CARNMT1: variants seen among roughly 807,000 people sequenced by gnomAD.
CARNMT1 encodes the protein carnosine N-methyltransferase 1, also known as protein-L-histidine N-pros-methyltransferase CARNMT1.
In CARNMT1, 28 loss-of-function variants were observed where a neutral mutation model predicts 49.6. The ratio of observed to expected loss-of-function variants is 0.56; its 90% CI spans 0.42 to 0.77. The LOEUF is 0.77. Among genes scored for constraint, CARNMT1 ranks in the 30% least tolerant of loss-of-function variants. CARNMT1 has a pLI of 0.00. For missense variants in CARNMT1, 421 were observed against 512.6 expected (o/e 0.82, Z 1.73); for synonymous variants, 178 against 175.0 (o/e 1.02, Z -0.13).
intron 3 of CARNMT1, among the ~76,000 whole-genome samples, chr9:75,000,697 G>A (rs985320446): frequency 6.6e-6 from 1 of 152,112 alleles, no homozygotes; most frequent in Non-Finnish European, 1.5e-5. Context: ...ATGTCAGGAA[G>A]TAAAAAGAAA....
intron 3 of CARNMT1, among the ~76,000 whole-genome samples, chr9:75,003,962 G>A (rs142055007): frequency 5.4e-4 from 82 of 152,290 alleles, no homozygotes; most frequent in African/African-American, 1.8e-3. Flanking sequence ...TGCAACCTCC[G>A]CCTCCAGGGT....
chr9:75,018,664 C>T (rs1360317617), intron 1 of CARNMT1, among the ~76,000 whole-genome samples: 1 of 152,050 alleles, frequency 6.6e-6, no homozygotes, highest in Non-Finnish European at 1.5e-5. Context: ...TTTGTCATAG[C>T]ACTGTTAGAG....
chr9:74,994,344 G>A (rs916437057), intron 6 of CARNMT1, among the ~76,000 whole-genome samples: 2 of 152,238 alleles, frequency 1.3e-5, no homozygotes, highest in African/African-American at 4.8e-5. Context: ...AAGGGGTAAC[G>A]AAAGGCTCCC....
At chr9:74,997,815 C>A (rs1833234289) in intron 5 of CARNMT1, among the ~76,000 whole-genome samples, 1 of 151,894 alleles carries the variant, frequency 6.6e-6, no homozygotes, top group Non-Finnish European at 1.5e-5. Flanking sequence ...TTTGTTATTG[C>A]CTCACTTTCT....
intron 6 of CARNMT1, among the ~76,000 whole-genome samples, chr9:74,994,916 T>C (rs1833141372): frequency 6.6e-6 from 1 of 152,212 alleles, no homozygotes; most frequent in Admixed American, 6.5e-5. Context: ...CCATTACTTC[T>C]GATGCCCATG....
At chr9:74,990,512 G>A (rs1348665379) in intron 6 of CARNMT1, among the ~76,000 whole-genome samples, 1 of 152,062 alleles carries the variant, frequency 6.6e-6, no homozygotes, top group Non-Finnish European at 1.5e-5. Context: ...TTTTTCTTAA[G>A]GCCCTCCTTT....
intron 1 of CARNMT1, among the ~76,000 whole-genome samples, chr9:75,022,305 G>C (rs924161614): frequency 7.6e-6 from 1 of 132,072 alleles, no homozygotes; most frequent in African/African-American, 2.8e-5. Flanking sequence ...CTCACTGCCA[G>C]CTCTGCCTCC....
At chr9:74,995,045 T>C (rs1833145950) in intron 6 of CARNMT1, among the ~76,000 whole-genome samples, 1 of 151,926 alleles carries the variant, frequency 6.6e-6, no homozygotes, top group African/African-American at 2.4e-5. Context: ...AATAAAATAT[T>C]CATAAACCAA....
intron 6 of CARNMT1, among the ~76,000 whole-genome samples, chr9:74,994,326 C>A (rs1833123480): frequency 6.6e-6 from 1 of 152,172 alleles, no homozygotes; most frequent in Non-Finnish European, 1.5e-5. Context: ...GCCTGAGTGA[C>A]CTAATAAAAG....
intron 3 of CARNMT1, among the ~76,000 whole-genome samples, chr9:75,000,378 G>A (rs1402025512): frequency 1.3e-5 from 2 of 152,156 alleles, no homozygotes; most frequent in East Asian, 3.8e-4. Context: ...TTAGTTGACA[G>A]AAGAATTTGG....
At chr9:75,003,833 T>C (rs1198713035) in intron 3 of CARNMT1, among the ~76,000 whole-genome samples, 3 of 152,270 alleles carry the variant, frequency 2.0e-5, no homozygotes, top group Admixed American at 6.5e-5. Flanking sequence ...TTCCCTTAAA[T>C]TGAACTTCAA....
chr9:74,990,639 A>G (rs1397084470), intron 6 of CARNMT1, among the ~76,000 whole-genome samples: 1 of 152,210 alleles, frequency 6.6e-6, no homozygotes, highest in Non-Finnish European at 1.5e-5. Context: ...TAGGAACTAG[A>G]TTTTCCATTT....
rs757768005 is a variant in CARNMT1 at position 75,016,262 on chromosome 9, A to C, written c.590+6T>G. 2 of 1,607,134 alleles carry C rather than the reference A, an allele frequency of 1.2e-6. No homozygotes were observed. Among genetic ancestry groups the C allele is most frequent in the South Asian group, 2.2e-5 (2 of 90,430 alleles). Reference sequence around the variant, plus strand: ...AAAACTTGGTTAAAAATGAGGTACTATTTACCATCTCTCTTTTGGAAAATT... The same window carrying C: ...AAAACTTGGTTAAAAATGAGGTACTCTTTACCATCTCTCTTTTGGAAAATT... On this transcript the variant is annotated splice_donor_region_variant and intron_variant, in intron 3 of 7. Transcript: ENST00000376834.
At position 74,992,831 on chromosome 9, in the gene CARNMT1, C is replaced by A. The variant is rs545819516; in HGVS notation, c.1024+3616G>T. On this transcript the variant is annotated intron_variant, in intron 6 of 7. Transcript: ENST00000376834. ...CCAGAATGGCTGGCCATTACATTTC[C>A]CATTATATATGAATATATTGATGTT... Among the ~76,000 whole-genome samples the A allele has an allele frequency of 6.3e-3, 957 of 152,182 alleles. 8 individuals carry two copies. The highest frequency in any genetic ancestry group is 0.022 in the African/African-American group (911 of 41,532).
intron 6 of CARNMT1, among the ~76,000 whole-genome samples, chr9:74,989,832 A>G (rs929047886): frequency 1.3e-5 from 2 of 152,254 alleles, no homozygotes; most frequent in Non-Finnish European, 2.9e-5. Flanking sequence ...AGAACCAAGA[A>G]AAGCAAGAGA....
intron 2 of CARNMT1, chr9:75,016,854 T>C: frequency 3.8e-6 from 1 of 266,238 alleles, no homozygotes. Context: ...GCCAGTCCCT[T>C]GAGATTTATA....
intron 3 of CARNMT1, among the ~76,000 whole-genome samples, chr9:75,001,074 A>G (rs1833338271): frequency 6.6e-6 from 1 of 152,100 alleles, no homozygotes; most frequent in Non-Finnish European, 1.5e-5. Flanking sequence ...CTGTCCAATC[A>G]TAACATGCAT....
intron 2 of CARNMT1, chr9:75,016,931 T>A (rs1486485995): frequency 5.2e-6 from 2 of 384,496 alleles, no homozygotes; most frequent in Non-Finnish European, 9.2e-6. Flanking sequence ...AAAATATGAG[T>A]TAAGCAAGGG....
chr9:74,983,671 G>A lies in CARNMT1; in HGVS notation c.*96C>T. The A allele has an allele frequency of 3.1e-6, 2 of 648,352 alleles. No individual in the cohort carries two copies. Among genetic ancestry groups the A allele is most frequent in the East Asian group, 5.4e-5 (2 of 37,270 alleles). The allele number at this position is 648,352 out of a possible 1,614,324, so 40.2% of individuals were successfully genotyped here. A position where few individuals can be genotyped will look rare whatever the true frequency, so the allele number is the denominator to read the frequency against. On this transcript the variant is annotated 3_prime_UTR_variant, in exon 8 of 8. Coordinates refer to ENST00000376834, the MANE Select transcript of CARNMT1 (RefSeq NM_152420.3). ...GAATAAGAAGGCACCACTGATTTGA[G>A]GTTGTGTCCTGTCATCACTGATAGT...
Sources: allele counts gnomAD v4.1 joint callset (sites outside exome capture counted in the v4.1 genomes callset), GRCh38; gene constraint gnomAD v4.1.1; transcripts MANE v1.5; gene names NCBI Gene and HGNC (gene_info 2026-07-23, HGNC 2026-07-21).